The following AKAP6 variants were observed in gnomAD, a reference collection of about 807,000 sequenced individuals.
AKAP6 encodes the protein A-kinase anchoring protein 6.
AKAP6 carries 58 observed loss-of-function variants against 188.5 expected under a neutral mutation model. The ratio of observed to expected loss-of-function variants is 0.31; its 90% CI spans 0.25 to 0.38. The LOEUF is 0.38. AKAP6 is among the 10% of genes least tolerant of loss of function. The probability of loss-of-function intolerance (pLI) is 1.00; values close to 1 mark genes in which losing one functional copy is unlikely to be tolerated. For missense variants in AKAP6, 2,710 were observed against 2,740.0 expected (o/e 0.99, Z 0.24); for synonymous variants, 989 against 998.6 (o/e 0.99, Z 0.18).
intron 4 of AKAP6, among the ~76,000 whole-genome samples, chr14:32,550,478 T>C (rs974120759): frequency 6.6e-6 from 1 of 152,206 alleles, no homozygotes. Context: ...TAATTGTTAA[T>C]GGTTTCTTGT....
chr14:32,579,747 T>C (rs751354157), intron 5 of AKAP6, among the ~76,000 whole-genome samples: 1 of 152,182 alleles, frequency 6.6e-6, no homozygotes, highest in Non-Finnish European at 1.5e-5. Flanking sequence ...TTCTTTACTG[T>C]CATGCTGAAT....
intron 11 of AKAP6, among the ~76,000 whole-genome samples, chr14:32,747,980 T>A (rs1462970780): frequency 6.6e-6 from 1 of 152,196 alleles, no homozygotes; most frequent in East Asian, 1.9e-4. Context: ...AGGGCTGTCA[T>A]GCTAATCTAG....
chr14:32,356,145 G>A (rs951024123), intron 1 of AKAP6, among the ~76,000 whole-genome samples: 1 of 152,114 alleles, frequency 6.6e-6, no homozygotes, highest in Non-Finnish European at 1.5e-5. Flanking sequence ...ATAATTGAGA[G>A]AAATTTTAGT....
At chr14:32,590,072 C>G (rs995665352) in intron 5 of AKAP6, among the ~76,000 whole-genome samples, 1 of 152,076 alleles carries the variant, frequency 6.6e-6, no homozygotes, top group Non-Finnish European at 1.5e-5. Flanking sequence ...AGAAAAATGC[C>G]TATTCTATAT....
At chr14:32,533,668 A>C (rs1882535238) in intron 2 of AKAP6, among the ~76,000 whole-genome samples, 1 of 152,174 alleles carries the variant, frequency 6.6e-6, no homozygotes, top group Non-Finnish European at 1.5e-5. Context: ...GACAAAAGAT[A>C]CAGGCATTTA....
intron 11 of AKAP6, among the ~76,000 whole-genome samples, chr14:32,755,347 G>A (rs190088926): frequency 2.0e-5 from 3 of 151,296 alleles, no homozygotes; most frequent in Admixed American, 2.0e-4. Context: ...TTTCTCTTTG[G>A]TTCATTTTTA....
chr14:32,787,686 A>G (rs2033464575), intron 12 of AKAP6, among the ~76,000 whole-genome samples: 1 of 152,210 alleles, frequency 6.6e-6, no homozygotes, highest in Non-Finnish European at 1.5e-5. Context: ...AATTACTTAC[A>G]AGAGAGATCG....
In AKAP6 at chr14:32,545,609, C is replaced by A. The variant is rs902960153; in HGVS notation, c.956C>A (p.Pro319Gln). Residue 319 changes from proline (P) to glutamine (Q), a missense_variant, in exon 4 of 14, where the codon CCA (proline) becomes CAA (glutamine). Physicochemically the swap from Pro to Gln is moderately conservative, Grantham distance 76. Transcript: ENST00000280979. ...AATGCTTCTGCAGTCGAAGAGCAAC[C>A]AGGCTTAACACTGGGGGTGTCATCA... Reference protein sequence around the residue: ...EDNASAVEEQPGLTLGVSSSS... With the variant: ...EDNASAVEEQQGLTLGVSSSS... 1.2e-5 allele frequency: 20 copies of A among 1,614,028 alleles called. No individual in the cohort carries two copies. The Admixed American group carries it at 2.3e-4, about 19-fold the overall frequency.
At chr14:32,668,240 A>C (rs546906321) in intron 7 of AKAP6, among the ~76,000 whole-genome samples, 1 of 152,148 alleles carries the variant, frequency 6.6e-6, no homozygotes, top group Admixed American at 6.6e-5. Context: ...CGGAATTTTT[A>C]ATGATTTTTA....
At chr14:32,573,433 TACAG>T (rs1219351224) in intron 4 of AKAP6, among the ~76,000 whole-genome samples, 1 of 152,166 alleles carries the variant, frequency 6.6e-6, no homozygotes, top group Non-Finnish European at 1.5e-5. Context: ...CAAACTTGGT[TACAG>T]ACAGAATTCC....
At chr14:32,819,062 A>G (rs2034456302) in intron 12 of AKAP6, among the ~76,000 whole-genome samples, 1 of 152,176 alleles carries the variant, frequency 6.6e-6, no homozygotes, top group Admixed American at 6.5e-5. Context: ...TCAGCAAGCA[A>G]AGAATAAACA....
chr14:32,724,941 G>A (rs1394084118), intron 9 of AKAP6, among the ~76,000 whole-genome samples: 1 of 119,960 alleles, frequency 8.3e-6, no homozygotes, highest in Non-Finnish European at 1.6e-5. Context: ...ACTTTGTAAT[G>A]CAATGATGTA....
chr14:32,673,376 G>A (rs953382469), intron 7 of AKAP6, among the ~76,000 whole-genome samples: 16 of 152,164 alleles, frequency 1.1e-4, no homozygotes, highest in African/African-American at 3.9e-4. Context: ...CTTCTTCCTT[G>A]TTCCCACAGT....
intron 7 of AKAP6, among the ~76,000 whole-genome samples, chr14:32,602,364 A>G (rs1485344661): frequency 1.3e-5 from 2 of 152,166 alleles, no homozygotes; most frequent in African/African-American, 2.4e-5. Context: ...GCATGGTGGC[A>G]TGCACCTACA....
chr14:32,495,433 A>T (rs1457014540), intron 2 of AKAP6: 1 of 152,194 alleles, frequency 6.6e-6, no homozygotes, highest in Admixed American at 6.5e-5. Flanking sequence ...GGCATTCCTT[A>T]TAAGACTGAC....
At chr14:32,786,296 A>ATGGTTTTTTTTT in intron 12 of AKAP6, among the ~76,000 whole-genome samples, 2 of 93,706 alleles carry the variant, frequency 2.1e-5, no homozygotes, top group African/African-American at 8.2e-5. Flanking sequence ...CTAAACCTTT[A>ATGGTTTTTTTTT]TCTTTTTTTT....
intron 11 of AKAP6, among the ~76,000 whole-genome samples, chr14:32,746,168 G>A (rs1361213186): frequency 6.6e-6 from 1 of 152,070 alleles, no homozygotes; most frequent in Non-Finnish European, 1.5e-5. Context: ...CCCCTCTGTA[G>A]CCAAGCTGAT....
In AKAP6 at chr14:32,467,925, C is replaced by T. The variant is rs144335925; in HGVS notation, c.324+34108C>T. Among the ~76,000 whole-genome samples, 1,271 of 152,068 alleles carry T rather than the reference C, an allele frequency of 8.4e-3. 11 individuals carry two copies. Among genetic ancestry groups the T allele is most frequent in the Non-Finnish European group, 0.013 (915 of 67,980 alleles). On this transcript the variant is annotated intron_variant, in intron 2 of 13. Transcript: ENST00000280979. ...ATTTTCTTCTTTTTTCACCTTTCAT[C>T]CCCTTCTTCTATATTCCCTTTTCTC... is the stretch of plus-strand genomic sequence containing the variant.
rs1035055691 is a variant in AKAP6 at position 32,772,145 on chromosome 14, A to G, written c.3373-1533A>G. Among the ~76,000 whole-genome samples the G allele has an allele frequency of 2.6e-5, 4 of 152,078 alleles. No individual in the cohort carries two copies. In the South Asian group the frequency reaches 8.3e-4, roughly 32 times the overall value. The stretch of plus-strand genomic sequence containing the variant: ...GTGGGGTTGAGGGGAGACATTTGAC[A>G]GGGTTGTAGGAAGAGATGGTAACAA... On this transcript the variant is annotated intron_variant, in intron 11 of 13. Transcript: ENST00000280979.
Sources: allele counts gnomAD v4.1 joint callset (sites outside exome capture counted in the v4.1 genomes callset), GRCh38; gene constraint gnomAD v4.1.1; transcripts MANE v1.5; gene names NCBI Gene and HGNC (gene_info 2026-07-23, HGNC 2026-07-21).